The following MYH10 variants were observed in gnomAD, a reference collection of about 807,000 sequenced individuals.
MYH10 encodes the protein myosin heavy chain 10.
In MYH10, 55 loss-of-function variants were observed where a neutral mutation model predicts 257.8. The observed-to-expected ratio is 0.21, with a 90% CI of 0.17 to 0.27. The LOEUF (loss-of-function observed/expected upper bound fraction) is 0.27, where lower values mean the gene tolerates loss of function less well. Among genes scored for constraint, MYH10 ranks in the 10% least tolerant of loss-of-function variants. MYH10 has a pLI of 1.00. For synonymous variants in MYH10, 854 were observed against 921.7 expected, an observed-to-expected ratio of 0.93 and a Z score of 1.33; for missense variants, 1,631 against 2,500.6, an observed-to-expected ratio of 0.65 and a Z score of 7.42.
chr17:8,521,751 C>T (rs1425542176), intron 17 of MYH10, among the ~76,000 whole-genome samples: 3 of 152,184 alleles, frequency 2.0e-5, no homozygotes, highest in Admixed American at 6.5e-5. Flanking sequence ...GACCAGAATT[C>T]TCTCTTATTA....
intron 6 of MYH10, among the ~76,000 whole-genome samples, chr17:8,572,328 C>A (rs2083378125): frequency 1.3e-5 from 2 of 150,830 alleles, no homozygotes; most frequent in Non-Finnish European, 2.9e-5. Flanking sequence ...CTTCAAGTAA[C>A]CTGGTTGTAT....
At chr17:8,483,858 C>T (rs999144983) in intron 37 of MYH10, among the ~76,000 whole-genome samples, 1 of 152,212 alleles carries the variant, frequency 6.6e-6, no homozygotes, top group Non-Finnish European at 1.5e-5. Context: ...CACAGGGGAA[C>T]AGGCCAAGAA....
chr17:8,541,843 C>T (rs1181745559), intron 14 of MYH10, among the ~76,000 whole-genome samples: 1 of 152,096 alleles, frequency 6.6e-6, no homozygotes, highest in Non-Finnish European at 1.5e-5. Flanking sequence ...GCAGTCTGTG[C>T]GAGCCAGAGC....
intron 21 of MYH10, among the ~76,000 whole-genome samples, chr17:8,518,158 G>T (rs1214857712): frequency 2.2e-5 from 3 of 133,926 alleles, no homozygotes; most frequent in South Asian, 2.6e-4. Context: ...TTTGAGATAG[G>T]GTCTCACTTT....
intron 6 of MYH10, among the ~76,000 whole-genome samples, chr17:8,575,444 C>G (rs1311929883): frequency 3.3e-5 from 5 of 152,110 alleles, no homozygotes; most frequent in African/African-American, 9.7e-5. Context: ...GGCAAAGAAG[C>G]TTTTAAATAC....
chr17:8,490,221 C>T lies in MYH10; in HGVS notation c.4884+119G>A, dbSNP rs1915549360. ...AATGACCAAATAAATTCATTTTACTCTATGTGTTACTCTGTGTTTACTCAG... is the reference window on the plus strand; with the variant it reads ...AATGACCAAATAAATTCATTTTACTTTATGTGTTACTCTGTGTTTACTCAG... On this transcript the variant is annotated intron_variant, in intron 35 of 42. Coordinates refer to ENST00000360416, the MANE Select transcript of MYH10 (RefSeq NM_001256012.3). The surrounding 1 kb of genome is among the most constrained non-coding windows in gnomAD (Gnocchi z 4.1). 1.3e-6 allele frequency: 1 copy of T among 795,684 alleles called. No homozygotes were observed. The highest frequency in any genetic ancestry group is 1.7e-5 in the African/African-American group (1 of 57,956). 49.3% of individuals were successfully genotyped at this position (795,684 alleles called of 1,614,324 possible). A position where few individuals can be genotyped will look rare whatever the true frequency, so the allele number is the denominator to read the frequency against.
Position 8,502,209 on chromosome 17 carries a change from G to A in MYH10, c.3600-1239C>T, listed in dbSNP as rs528085938. On this transcript the variant is annotated intron_variant, in intron 28 of 42. Transcript: ENST00000360416. ...TTTTCCTCTCTTCTCATGGAGTCACGAGATCTGCAGGGGCTGGCTGAGAGA... is the reference window on the plus strand; with the variant it reads ...TTTTCCTCTCTTCTCATGGAGTCACAAGATCTGCAGGGGCTGGCTGAGAGA... 5.3e-5 allele frequency among the ~76,000 whole-genome samples: 8 copies of A among 152,138 alleles called. No homozygotes were observed. The East Asian group carries it at 1.4e-3, about 26-fold the overall frequency.
intron 7 of MYH10, chr17:8,560,346 A>G (rs1434271114): frequency 4.2e-6 from 1 of 239,152 alleles, no homozygotes; most frequent in African/African-American, 2.2e-5. Flanking sequence ...TATTTACCGT[A>G]TATTTAGTGA....
intron 14 of MYH10, among the ~76,000 whole-genome samples, chr17:8,536,322 A>C (rs2082137332): frequency 6.6e-6 from 1 of 152,150 alleles, no homozygotes; most frequent in African/African-American, 2.4e-5. Context: ...ACCTCAACTA[A>C]TGAGAATGCT....
chr17:8,536,876 A>C (rs2082157070), intron 14 of MYH10, among the ~76,000 whole-genome samples: 1 of 151,828 alleles, frequency 6.6e-6, no homozygotes, highest in African/African-American at 2.4e-5. Flanking sequence ...GAAGGAACAG[A>C]ATGTGGAGTG....
chr17:8,569,595 G>T lies in MYH10; in HGVS notation c.756+125C>A. On this transcript the variant is annotated intron_variant, in intron 7 of 42. Transcript: ENST00000360416. The surrounding 1 kb of genome is among the most constrained non-coding windows in gnomAD (Gnocchi z 4.1). The stretch of plus-strand genomic sequence containing the variant: ...AAAATTACATGTGAGCTTGTATTAT[G>T]TCTACAGAACTACATCTATTAGCTT... 1.7e-6 allele frequency: 1 copy of T among 600,650 alleles called. No individual in the cohort carries two copies. The highest frequency in any genetic ancestry group is 2.7e-6 in the Non-Finnish European group (1 of 373,598). 37.2% of individuals were successfully genotyped at this position (600,650 alleles called of 1,614,324 possible). A position where few individuals can be genotyped will look rare whatever the true frequency, so the allele number is the denominator to read the frequency against.
rs545061583 is a variant in MYH10 at position 8,566,707 on chromosome 17, T to G, written c.756+3013A>C. Among the ~76,000 whole-genome samples, 33 of 152,222 alleles carry G rather than the reference T, an allele frequency of 2.2e-4. No homozygotes were observed. In the Middle Eastern group the frequency reaches 0.014, roughly 63 times the overall value. On this transcript the variant is annotated intron_variant, in intron 7 of 42. Coordinates refer to ENST00000360416, the MANE Select transcript of MYH10 (RefSeq NM_001256012.3). The stretch of plus-strand genomic sequence containing the variant: ...CTGACTTTCTGACACACAGAAACCA[T>G]GAGATAATCGATGCCTGAAGCCACC...
chr17:8,585,881 C>T (rs2083899733), intron 4 of MYH10, among the ~76,000 whole-genome samples: 1 of 152,154 alleles, frequency 6.6e-6, no homozygotes, highest in African/African-American at 2.4e-5. Flanking sequence ...ACACTATATG[C>T]TTAAGTACTT....
At chr17:8,510,077 T>C (rs2151870366) in intron 24 of MYH10, 128 bp from the exon 25 acceptor site, 2 of 993,116 alleles carry the variant, frequency 2.0e-6, no homozygotes, top group East Asian at 3.2e-5. Flanking sequence ...CTCGCTCTGT[T>C]GCCCAGGCTG....
At chr17:8,494,554 T>A (rs950545693) in intron 31 of MYH10, among the ~76,000 whole-genome samples, 2 of 152,116 alleles carry the variant, frequency 1.3e-5, no homozygotes, top group Non-Finnish European at 2.9e-5. Context: ...TTTTTTTTTT[T>A]AATCCCCAGC....
chr17:8,537,188 T>C (rs1336546434), intron 14 of MYH10, among the ~76,000 whole-genome samples: 1 of 152,210 alleles, frequency 6.6e-6, no homozygotes, highest in African/African-American at 2.4e-5. Context: ...ACTGCAAATA[T>C]GGCAAGTGTG....
At chr17:8,534,502 C>T (rs1173685366) in intron 16 of MYH10, among the ~76,000 whole-genome samples, 1 of 152,244 alleles carries the variant, frequency 6.6e-6, no homozygotes, top group Non-Finnish European at 1.5e-5. Flanking sequence ...CAATTCCTGT[C>T]TCTTTCCTTT....
At chr17:8,488,033 G>A (rs1420296959) in intron 35 of MYH10, among the ~76,000 whole-genome samples, 1 of 152,178 alleles carries the variant, frequency 6.6e-6, no homozygotes, top group Non-Finnish European at 1.5e-5. Context: ...CCATGTTGCA[G>A]GGGTGTCAGA....
chr17:8,521,511 C>T (rs2081655493), intron 17 of MYH10: 4 of 550,260 alleles, frequency 7.3e-6, no homozygotes, highest in Middle Eastern at 4.8e-4. Flanking sequence ...CACACCAACA[C>T]ACACCAGCAG....
Sources: gnomAD v4.1 joint callset for allele counts (sites outside exome capture counted in the v4.1 genomes callset) on GRCh38, gnomAD v4.1.1 for gene constraint, Gnocchi (gnomAD v3.1) non-coding constraint, MANE v1.5 for transcripts, NCBI Gene and HGNC (gene_info 2026-07-23, HGNC 2026-07-21) for gene names.